Variants in RAB28 observed in about 807,000 individuals in gnomAD.
RAB28 encodes the protein RAB28, member RAS oncogene family.
A neutral mutation model predicts 31.7 loss-of-function variants in RAB28; 24 were observed. The ratio of observed to expected loss-of-function variants is 0.76; its 90% CI spans 0.55 to 1.06. The LOEUF (loss-of-function observed/expected upper bound fraction) is 1.06. Among genes scored for constraint, RAB28 ranks in the 50% least tolerant of loss-of-function variants. The pLI is 0.00. For missense variants in RAB28, 254 were observed against 258.5 expected (o/e 0.98, Z 0.12); for synonymous variants, 100 against 90.4 (o/e 1.11, Z -0.60).
At chr4:13,377,345 T>G (rs1192022235) in intron 5 of RAB28, among the ~76,000 whole-genome samples, 1 of 152,222 alleles carries the variant, frequency 6.6e-6, no homozygotes, top group Non-Finnish European at 1.5e-5. Flanking sequence ...CATATTCTTA[T>G]CCCTATTCAT....
intron 4 of RAB28, among the ~76,000 whole-genome samples, chr4:13,432,598 C>T (rs985991116): frequency 6.6e-6 from 1 of 152,036 alleles, no homozygotes; most frequent in African/African-American, 2.4e-5. Flanking sequence ...AACTTCTCAG[C>T]AGAAATCTTT....
At chr4:13,408,780 T>C (rs1307493544) in intron 4 of RAB28, among the ~76,000 whole-genome samples, 2 of 152,140 alleles carry the variant, frequency 1.3e-5, no homozygotes, top group Admixed American at 1.3e-4. Context: ...ATACTGATCA[T>C]TCTCTACTTT....
chr4:13,476,873 G>A (rs1439745688), intron 2 of RAB28, among the ~76,000 whole-genome samples: 1 of 151,474 alleles, frequency 6.6e-6, no homozygotes, highest in African/African-American at 2.4e-5. Flanking sequence ...GTAACTAGGA[G>A]AAAAAATAAA....
At chr4:13,380,741 T>C (rs969651792) in intron 5 of RAB28, among the ~76,000 whole-genome samples, 6 of 152,058 alleles carry the variant, frequency 3.9e-5, no homozygotes, top group Non-Finnish European at 7.4e-5. Context: ...TCAAGGAATC[T>C]ACCTAAAGAA....
rs1265142100 is a variant in RAB28, at chr4:13,381,519, T to C, written c.467A>G (p.His156Arg). 3 of 1,612,802 alleles carry C rather than the reference T, an allele frequency of 1.9e-6. No homozygotes were observed. Among genetic ancestry groups the C allele is most frequent in the Non-Finnish European group, 1.7e-6 (2 of 1,179,118 alleles). Residue 156 changes from histidine (H) to arginine (R), a missense_variant, in exon 5 of 7, where the codon CAC (histidine) becomes CGC (arginine). Transcript: ENST00000330852. The stretch of plus-strand genomic sequence containing the variant: ...GTCTCCTGTCTTGGCTGAGACAAAG[T>C]GGCTACTAAAACCATTTTCCTGGCA... ...RFCQENGFSSHFVSAKTGDSV... is the reference protein window; with the variant it reads ...RFCQENGFSSRFVSAKTGDSV...
At chr4:13,382,762 G>C (rs1729188926) in intron 4 of RAB28, among the ~76,000 whole-genome samples, 1 of 139,204 alleles carries the variant, frequency 7.2e-6, no homozygotes, top group African/African-American at 2.7e-5. Flanking sequence ...GCAATGGCAT[G>C]ATCTCGGCTC....
intron 4 of RAB28, among the ~76,000 whole-genome samples, chr4:13,392,111 A>G (rs147381778): frequency 0.02 from 3,007 of 152,264 alleles, 55 homozygotes; most frequent in Non-Finnish European, 0.029. Flanking sequence ...TTCTGAATCT[A>G]AAGTTGTCAC....
At chr4:13,434,968 G>A (rs1308334161) in intron 4 of RAB28, among the ~76,000 whole-genome samples, 3 of 141,100 alleles carry the variant, frequency 2.1e-5, no homozygotes, top group South Asian at 2.2e-4. Context: ...GCAGTGAGCC[G>A]AGATCACGCC....
At chr4:13,443,385 G>C (rs1384091655) in intron 4 of RAB28, among the ~76,000 whole-genome samples, 4 of 152,092 alleles carry the variant, frequency 2.6e-5, no homozygotes, top group Non-Finnish European at 4.4e-5. Context: ...TGTTGGCCAG[G>C]ATGGTCTCCA....
At chr4:13,415,595 C>T (rs1193796130) in intron 4 of RAB28, among the ~76,000 whole-genome samples, 7 of 152,162 alleles carry the variant, frequency 4.6e-5, no homozygotes, top group South Asian at 2.1e-4. Flanking sequence ...ACTGGCACTG[C>T]GCTCGATTTC....
chr4:13,373,991 A>G (rs1728824884), intron 6 of RAB28, among the ~76,000 whole-genome samples: 1 of 151,716 alleles, frequency 6.6e-6, no homozygotes, highest in South Asian at 2.1e-4. Flanking sequence ...GTGTGTGTAT[A>G]TATATATAAT....
intron 4 of RAB28, among the ~76,000 whole-genome samples, chr4:13,399,460 C>G (rs1281488051): frequency 6.6e-6 from 1 of 152,174 alleles, no homozygotes; most frequent in East Asian, 1.9e-4. Flanking sequence ...AGATACATAG[C>G]AGAGAACTGC....
chr4:13,483,831 G>GC (rs1716732788), intron 1 of RAB28, among the ~76,000 whole-genome samples: 1 of 152,244 alleles, frequency 6.6e-6, no homozygotes, highest in African/African-American at 2.4e-5. Flanking sequence ...CCCGAGTCTT[G>GC]CAGGAGTTCG....
rs543468976 is a variant in RAB28 at position 13,468,612 on chromosome 4, T to C, written c.261+5706A>G. Among the ~76,000 whole-genome samples, 3 of 151,746 alleles carry C rather than the reference T, an allele frequency of 2.0e-5. No homozygotes were observed. The East Asian group carries it at 5.8e-4, about 29-fold the overall frequency. ...AGTGTTTAGCATTGAATGCATATATTAGAAAAGCAAAAAAATCAATAATCT... is the reference window on the plus strand; with the variant it reads ...AGTGTTTAGCATTGAATGCATATATCAGAAAAGCAAAAAAATCAATAATCT... On this transcript the variant is annotated intron_variant, in intron 3 of 6. Coordinates refer to ENST00000330852, the MANE Select transcript of RAB28 (RefSeq NM_001017979.3).
chr4:13,484,239 T>A lies in RAB28; in HGVS notation c.-89A>T. 1 of 1,060,572 alleles carries A rather than the reference T, an allele frequency of 9.4e-7. No homozygotes were observed. The highest frequency in any genetic ancestry group is 1.4e-6 in the Non-Finnish European group (1 of 706,300). The allele number at this position is 1,060,572 out of a possible 1,614,324, so 65.7% of individuals were successfully genotyped here. ...GGGCGGGGGAGAGGAGGAAGGGAGG[T>A]AGTTGCGGCAGGACCCCCGCCCCGG... On this transcript the variant is annotated 5_prime_UTR_variant, in exon 1 of 7. Transcript: ENST00000330852.
intron 4 of RAB28, among the ~76,000 whole-genome samples, chr4:13,437,109 G>A (rs1269387393): frequency 2.0e-5 from 3 of 152,204 alleles, no homozygotes; most frequent in East Asian, 1.9e-4. Flanking sequence ...AAACAATGGC[G>A]AAAGGATATC....
chr4:13,422,363 A>G (rs1464326761), intron 4 of RAB28, among the ~76,000 whole-genome samples: 1 of 152,226 alleles, frequency 6.6e-6, no homozygotes, highest in Non-Finnish European at 1.5e-5. Flanking sequence ...ATCTGGAACT[A>G]GAATTACCAT....
rs531770458 is a variant in RAB28, at chr4:13,466,700, G to T, written c.262-5872C>A. On this transcript the variant is annotated intron_variant, in intron 3 of 6. Coordinates refer to ENST00000330852, the MANE Select transcript of RAB28 (RefSeq NM_001017979.3). ...CTTCTGTGTATTTACCCAAAGATTTGAAATCAGTTTGTCAAAGAGGTTTTT... is the reference window on the plus strand; with the variant it reads ...CTTCTGTGTATTTACCCAAAGATTTTAAATCAGTTTGTCAAAGAGGTTTTT... 2.3e-4 allele frequency among the ~76,000 whole-genome samples: 35 copies of T among 151,964 alleles called. 1 individual carries two copies. The East Asian group carries it at 5.4e-3, about 24-fold the overall frequency.
intron 4 of RAB28, chr4:13,459,698 T>C (rs967015934): frequency 2.2e-6 from 2 of 928,286 alleles, no homozygotes; most frequent in African/African-American, 1.8e-5. Context: ...AAAAAAATTA[T>C]ATTTCAGAAA....
Sources: gnomAD v4.1 joint callset for allele counts (sites outside exome capture counted in the v4.1 genomes callset) on GRCh38, gnomAD v4.1.1 for gene constraint, MANE v1.5 for transcripts, NCBI Gene and HGNC (gene_info 2026-07-23, HGNC 2026-07-21) for gene names.